Variants in SCYL1 observed in about 807,000 individuals in gnomAD.
SCYL1 encodes SCY1 like pseudokinase 1, also known as N-terminal kinase-like protein.
SCYL1 carries 85 observed loss-of-function variants against 94.8 expected under a neutral mutation model. The observed-to-expected ratio is 0.90, with a 90% CI of 0.75 to 1.07. SCYL1 has a LOEUF of 1.07. Among genes scored for constraint, SCYL1 ranks in the 50% least tolerant of loss-of-function variants. SCYL1 has a pLI of 0.00. For synonymous variants in SCYL1, 459 were observed against 435.5 expected (o/e 1.05, Z -0.67); for missense variants, 968 against 1,083.3 (o/e 0.89, Z 1.49).
chr11:65,535,508 C>A, intron 10 of SCYL1, 126 bp downstream of exon 10: 1 of 1,244,296 alleles, frequency 8.0e-7, no homozygotes, highest in Non-Finnish European at 1.1e-6. Flanking sequence ...ACGCTGTTGG[C>A]CCCATATCTG....
intron 12 of SCYL1, 22 bp from the exon 13 acceptor site, chr11:65,536,562 CCT>C (rs751429832): frequency 4.6e-5 from 74 of 1,613,234 alleles, no homozygotes; most frequent in Non-Finnish European, 5.7e-5. Flanking sequence ...CCCATACCCA[CCT>C]CTCTCTCATG....
chr11:65,530,921 A>C, intron 7 of SCYL1, 134 bp downstream of exon 7: 1 of 947,518 alleles, frequency 1.1e-6, no homozygotes, highest in Non-Finnish European at 1.5e-6. Flanking sequence ...AGTGTCTATA[A>C]ACAGGTACCT....
chr11:65,528,628 C>T (rs1430800996), intron 6 of SCYL1, among the ~76,000 whole-genome samples: 1 of 151,810 alleles, frequency 6.6e-6, no homozygotes, highest in Admixed American at 6.6e-5. Flanking sequence ...GGCATGGTGG[C>T]GCATACCTGT....
chr11:65,527,871 C>T (rs1392199284), intron 6 of SCYL1, among the ~76,000 whole-genome samples: 1 of 152,110 alleles, frequency 6.6e-6, no homozygotes, highest in Non-Finnish European at 1.5e-5. Flanking sequence ...TTCAAAGGGA[C>T]CCAGTGAGGA....
intron 6 of SCYL1, among the ~76,000 whole-genome samples, chr11:65,527,968 C>T (rs539814177): frequency 1.3e-5 from 2 of 152,170 alleles, no homozygotes; most frequent in African/African-American, 2.4e-5. Flanking sequence ...TCCACGTGTA[C>T]ATTCTGGCTC....
At position 65,526,801 on chromosome 11, in the gene SCYL1, C is replaced by T; in HGVS notation, c.621C>T (p.Arg207=). Residue 207 remains arginine, a synonymous_variant, in exon 5 of 18, where the codon CGC becomes CGT. Coordinates refer to ENST00000270176, the MANE Select transcript of SCYL1 (RefSeq NM_020680.4). The surrounding 1 kb of genome is among the most constrained non-coding windows in gnomAD (Gnocchi z 4.1). ...VREKWSADMW[R]LGCLIWEVFN... ...GCCACAGGTCAGCAGACATGTGGCG[C>T]TTGGGCTGCCTCATTTGGGAAGTCT... 6.2e-7 allele frequency: 1 copy of T among 1,612,934 alleles called. No homozygotes were observed. The highest frequency in any genetic ancestry group is 8.5e-7 in the Non-Finnish European group (1 of 1,179,924).
intron 10 of SCYL1, chr11:65,535,660 C>G: frequency 1.7e-6 from 1 of 587,282 alleles, no homozygotes; most frequent in Non-Finnish European, 3.0e-6. Context: ...CGTGCCCAGA[C>G]AGTTAACAGG....
In SCYL1 at chr11:65,535,331, C is replaced by G. The variant is rs765962488; in HGVS notation, c.1335C>G (p.Arg445=). ...CCAAGGATGAACAGGGCCCCATCCG[C>G]TGCAACACCACAGTCTGCCTGGGCA... is the stretch of plus-strand genomic sequence containing the variant. ...LQAKDEQGPI[R]CNTTVCLGKI... Residue 445 remains arginine (R), a synonymous_variant, in exon 10 of 18, where the codon CGC becomes CGG. Coordinates refer to ENST00000270176, the MANE Select transcript of SCYL1 (RefSeq NM_020680.4). 11 of 1,614,262 alleles carry G rather than the reference C, an allele frequency of 6.8e-6. No individual in the cohort carries two copies. The Admixed American group carries it at 1.7e-4, about 24-fold the overall frequency.
At chr11:65,525,870 T>C (rs1380489714) in intron 2 of SCYL1, 51 bp from the exon 3 acceptor site, 10 of 1,596,066 alleles carry the variant, frequency 6.3e-6, no homozygotes, top group Non-Finnish European at 8.5e-6. Context: ...CGCTTATCTC[T>C]CCTTCCTCTC....
intron 6 of SCYL1, among the ~76,000 whole-genome samples, chr11:65,530,204 T>C (rs1315086541): frequency 6.6e-6 from 1 of 152,132 alleles, no homozygotes. Context: ...TTCACCTCTT[T>C]GATCTTCAGT....
At position 65,526,863 on chromosome 11, in the gene SCYL1, A is replaced by G. The variant is rs755816716; in HGVS notation, c.683A>G (p.Asn228Ser). ...CTACCTCGGGCAGCAGCCCTACGCA[A>G]CCCTGGGAAGGTAAGTTTCTTGCCC... ...GPLPRAAALRNPGKIPKTLVP... is the reference protein window; with the variant it reads ...GPLPRAAALRSPGKIPKTLVP... The change falls in exon 5 of 18, where the codon AAC becomes AGC. Residue 228 changes from asparagine to serine, a missense_variant. Transcript: ENST00000270176. This position sits in a 1 kb window ranked among gnomAD's most constrained non-coding sequence, Gnocchi z 4.1. 1.9e-6 allele frequency: 3 copies of G among 1,613,272 alleles called. No individual in the cohort carries two copies. Among genetic ancestry groups the G allele is most frequent in the Non-Finnish European group, 2.5e-6 (3 of 1,179,900 alleles).
chr11:65,534,544 C>T (rs1162466880), intron 9 of SCYL1, among the ~76,000 whole-genome samples: 2 of 152,144 alleles, frequency 1.3e-5, no homozygotes, highest in Non-Finnish European at 2.9e-5. Flanking sequence ...TGTTAGGCAG[C>T]TGGATGGAGA....
chr11:65,525,424 C>T, intron 1 of SCYL1, 150 bp from the exon 2 acceptor site: 1 of 1,109,766 alleles, frequency 9.0e-7, no homozygotes, highest in Non-Finnish European at 1.2e-6. Context: ...GCGGAGGGAC[C>T]GAGGGACCGA....
At chr11:65,529,542 A>C (rs1855264826) in intron 6 of SCYL1, among the ~76,000 whole-genome samples, 1 of 152,172 alleles carries the variant, frequency 6.6e-6, no homozygotes, top group South Asian at 2.1e-4. Context: ...ATGTGATCAG[A>C]GCACCAAGCC....
chr11:65,527,409 A>G (rs1855140211), intron 6 of SCYL1, among the ~76,000 whole-genome samples: 1 of 152,222 alleles, frequency 6.6e-6, no homozygotes, highest in Non-Finnish European at 1.5e-5. Context: ...AATGCCCATT[A>G]GAGCATTTTG....
In SCYL1 at chr11:65,530,801, T is replaced by C. The variant is rs773684278; in HGVS notation, c.1008+14T>C. ...CCCCTCTTCAAGGTGAGTGGAACTG[T>C]GGGGTCCAGAAGGCTGGCTGGGTGC... On this transcript the variant is annotated intron_variant, in intron 7 of 17. Transcript: ENST00000270176. 7 of 1,603,882 alleles carry C rather than the reference T, an allele frequency of 4.4e-6. No individual in the cohort carries two copies. In the Admixed American group the frequency reaches 6.8e-5, roughly 16 times the overall value.
intron 2 of SCYL1, 77 bp from the exon 3 acceptor site, chr11:65,525,844 T>C: frequency 6.3e-7 from 1 of 1,582,054 alleles, no homozygotes; most frequent in Admixed American, 1.7e-5. Flanking sequence ...CTTCCCCATC[T>C]CTCCCAACTT....
chr11:65,531,338 C>T (rs1037295180), intron 7 of SCYL1, among the ~76,000 whole-genome samples: 3 of 152,168 alleles, frequency 2.0e-5, no homozygotes, highest in Admixed American at 6.5e-5. Flanking sequence ...ATAAAGGTAC[C>T]TGTTTGTAGG....
At chr11:65,528,169 G>T (rs1855184343) in intron 6 of SCYL1, among the ~76,000 whole-genome samples, 1 of 152,246 alleles carries the variant, frequency 6.6e-6, no homozygotes, top group Non-Finnish European at 1.5e-5. Context: ...AGAGCCAGGT[G>T]CAGTGGCTCA....
Sources: gnomAD v4.1 joint callset for allele counts (sites outside exome capture counted in the v4.1 genomes callset) on GRCh38, gnomAD v4.1.1 for gene constraint, Gnocchi (gnomAD v3.1) non-coding constraint, MANE v1.5 for transcripts, NCBI Gene and HGNC (gene_info 2026-07-23, HGNC 2026-07-21) for gene names.